SUPT3H: variants seen among roughly 807,000 people sequenced by gnomAD.
SUPT3H encodes the protein transcription initiation protein SPT3 homolog.
Under a neutral mutation model 44.3 loss-of-function variants are expected in SUPT3H, and 44 were observed. The observed-to-expected ratio is 0.99, with a 90% CI of 0.78 to 1.28. SUPT3H has a LOEUF of 1.28. Ranked by LOEUF, SUPT3H falls within the 50% of genes most tolerant of loss-of-function variation. The pLI is 0.00. For missense variants in SUPT3H, 380 were observed against 387.1 expected (o/e 0.98, Z 0.15); for synonymous variants, 124 against 125.6 (o/e 0.99, Z 0.09).
At chr6:45,342,738 CGTT>C (rs951264072) in intron 2 of SUPT3H, among the ~76,000 whole-genome samples, 4 of 147,572 alleles carry the variant, frequency 2.7e-5, no homozygotes, top group African/African-American at 7.4e-5. Flanking sequence ...TAATAGTTTG[CGTT>C]AATGTTTTAA....
At chr6:44,968,523 TA>T (rs1777102611) in intron 6 of SUPT3H, among the ~76,000 whole-genome samples, 1 of 152,110 alleles carries the variant, frequency 6.6e-6, no homozygotes, top group Non-Finnish European at 1.5e-5. Context: ...GGTCAGTTTG[TA>T]ATTTGGTAGA....
At chr6:45,173,195 TC>T (rs1182716101) in intron 2 of SUPT3H, among the ~76,000 whole-genome samples, 1 of 152,204 alleles carries the variant, frequency 6.6e-6, no homozygotes, top group Non-Finnish European at 1.5e-5. Context: ...AATTCTTGTT[TC>T]TTCACATGGT....
intron 2 of SUPT3H, chr6:45,328,194 C>T: frequency 9.7e-7 from 1 of 1,031,080 alleles, no homozygotes; most frequent in Middle Eastern, 3.2e-4. Flanking sequence ...GGGGAAAAGC[C>T]ACAGTGGTAG....
intron 2 of SUPT3H, among the ~76,000 whole-genome samples, chr6:45,169,865 G>A (rs1372477805): frequency 6.6e-6 from 1 of 152,196 alleles, no homozygotes; most frequent in Non-Finnish European, 1.5e-5. Context: ...AGGATAAACT[G>A]CTTGCAATGT....
chr6:45,041,719 T>A (rs911397106), intron 3 of SUPT3H, among the ~76,000 whole-genome samples: 1 of 152,206 alleles, frequency 6.6e-6, no homozygotes, highest in African/African-American at 2.4e-5. Context: ...ATCTAAACAT[T>A]TCTTCCTCAC....
chr6:44,884,245 C>T (rs575211206), intron 10 of SUPT3H, among the ~76,000 whole-genome samples: 10 of 152,154 alleles, frequency 6.6e-5, no homozygotes, highest in Non-Finnish European at 1.3e-4. Flanking sequence ...GGCCAACAAA[C>T]GTGAAAAAAA....
intron 3 of SUPT3H, among the ~76,000 whole-genome samples, chr6:45,037,981 G>A (rs1787943470): frequency 6.6e-6 from 1 of 152,080 alleles, no homozygotes; most frequent in South Asian, 2.1e-4. Context: ...TAAAGGATAG[G>A]TTTAATCATG....
At chr6:45,276,686 C>G (rs12203558) in intron 2 of SUPT3H, among the ~76,000 whole-genome samples, 34,570 of 152,124 alleles carry the variant, frequency 0.23, 4,620 homozygotes, top group Non-Finnish European at 0.31. Context: ...TTTATTACAT[C>G]TCTCCCATTA....
chr6:45,088,594 C>G (rs1237380625), intron 3 of SUPT3H, among the ~76,000 whole-genome samples: 1 of 151,998 alleles, frequency 6.6e-6, no homozygotes, highest in Non-Finnish European at 1.5e-5. Flanking sequence ...GATTCAAATC[C>G]AGCAATGTTT....
chr6:45,132,619 T>C (rs1803644922), intron 2 of SUPT3H, among the ~76,000 whole-genome samples: 1 of 152,334 alleles, frequency 6.6e-6, no homozygotes, highest in Non-Finnish European at 1.5e-5. Flanking sequence ...CAGATTATCA[T>C]GTCACTATTT....
intron 6 of SUPT3H, among the ~76,000 whole-genome samples, chr6:44,969,667 G>A (rs573133565): frequency 1.3e-5 from 2 of 152,242 alleles, no homozygotes; most frequent in South Asian, 4.1e-4. Context: ...TTAAGGGACC[G>A]ACTCAGAATC....
rs373055261 is a variant in SUPT3H, at chr6:45,018,661, G to A, written c.273+1885C>T. On this transcript the variant is annotated intron_variant, in intron 4 of 10. Coordinates refer to ENST00000371459, the MANE Select transcript of SUPT3H (RefSeq NM_003599.4). ...TGCTGGATTACATTTATTGATTTGC[G>A]TATATTGAACTAGCCTTGCATACCA... Among the ~76,000 whole-genome samples the A allele has an allele frequency of 2.2e-4, 34 of 152,016 alleles. No homozygotes were observed. The East Asian group carries it at 3.1e-3, about 14-fold the overall frequency.
intron 3 of SUPT3H, chr6:45,099,040 G>A (rs1333099968): frequency 1.3e-5 from 5 of 376,586 alleles, no homozygotes; most frequent in Non-Finnish European, 2.6e-5. Flanking sequence ...GAAGATGCAT[G>A]TGCCAGCTAC....
chr6:45,063,192 C>G (rs1395184123), intron 3 of SUPT3H, among the ~76,000 whole-genome samples: 4 of 144,858 alleles, frequency 2.8e-5, no homozygotes, highest in Admixed American at 2.1e-4. Flanking sequence ...CACCCCCCAG[C>G]AGGGGCACAC....
At chr6:44,894,542 T>G (rs1044373202) in intron 10 of SUPT3H, among the ~76,000 whole-genome samples, 1 of 152,070 alleles carries the variant, frequency 6.6e-6, no homozygotes, top group African/African-American at 2.4e-5. Context: ...AGATATGCGG[T>G]GTTATTTCTG....
chr6:45,171,366 CTG>C (rs2153606321), intron 2 of SUPT3H, among the ~76,000 whole-genome samples: 1 of 152,200 alleles, frequency 6.6e-6, no homozygotes, highest in South Asian at 2.1e-4. Context: ...TTTGTTGTTT[CTG>C]TGTTTTACAA....
At chr6:45,309,272 C>T (rs147373962) in intron 2 of SUPT3H, among the ~76,000 whole-genome samples, 7 of 148,802 alleles carry the variant, frequency 4.7e-5, no homozygotes, top group African/African-American at 1.8e-4. Flanking sequence ...CAGTGAACTT[C>T]AAGAAAATAA....
At chr6:45,220,595 G>T (rs1765870838) in intron 2 of SUPT3H, among the ~76,000 whole-genome samples, 1 of 152,118 alleles carries the variant, frequency 6.6e-6, no homozygotes, top group Admixed American at 6.5e-5. Flanking sequence ...ATAAGAAAAA[G>T]AAATAAAAAG....
intron 5 of SUPT3H, among the ~76,000 whole-genome samples, chr6:45,007,751 TG>T (rs1782922183): frequency 1.3e-5 from 2 of 150,012 alleles, no homozygotes; most frequent in Admixed American, 6.6e-5. Flanking sequence ...TTTTTTTTTT[TG>T]CTGCTTGATG....
Sources: allele counts gnomAD v4.1 joint callset (sites outside exome capture counted in the v4.1 genomes callset), GRCh38; gene constraint gnomAD v4.1.1; transcripts MANE v1.5; gene names NCBI Gene and HGNC (gene_info 2026-07-23, HGNC 2026-07-21).